Variants in ZNF606 observed in about 807,000 individuals in gnomAD.
ZNF606 encodes the protein zinc finger protein 328.
Under a neutral mutation model 74.9 loss-of-function variants are expected in ZNF606, and 37 were observed. That is an observed-to-expected ratio of 0.49 (90% CI 0.38 to 0.65). The LOEUF (loss-of-function observed/expected upper bound fraction) is 0.65. Among genes scored for constraint, ZNF606 ranks in the 30% least tolerant of loss-of-function variants. The pLI is 0.00. For missense variants in ZNF606, 852 were observed against 952.9 expected, an observed-to-expected ratio of 0.89 and a Z score of 1.39; for synonymous variants, 328 against 312.4, an observed-to-expected ratio of 1.05 and a Z score of -0.53.
Position 57,988,700 on chromosome 19 carries a change from C to A in ZNF606, c.199G>T (p.Val67Leu), listed in dbSNP as rs779552199. 5 of 1,614,010 alleles carry A rather than the reference C, an allele frequency of 3.1e-6. No homozygotes were observed. Among genetic ancestry groups the A allele is most frequent in the Admixed American group, 1.7e-5 (1 of 59,998 alleles). The change falls in exon 5 of 7, where the codon GTG (valine) becomes TTG (leucine). Residue 67 changes from valine (V) to leucine (L), a missense_variant. Val to Leu is a conservative substitution (Grantham distance 32). This residue lies in a region of ZNF606 where 545 missense variants were observed against 542.5 expected (regional missense o/e 1.00). Transcript: ENST00000551380. ...TCTTCTTGGGTGAAGTCCACGGCCACGTCCTTGAAGGTCACTGGTTCCTAA... is the reference window on the plus strand; with the variant it reads ...TCTTCTTGGGTGAAGTCCACGGCCAAGTCCTTGAAGGTCACTGGTTCCTAA... ...QVQEPVTFKD[V>L]AVDFTQEEWG...
At chr19:57,993,850 T>C (rs1381259820) in intron 4 of ZNF606, among the ~76,000 whole-genome samples, 1 of 152,172 alleles carries the variant, frequency 6.6e-6, no homozygotes, top group East Asian at 1.9e-4. Flanking sequence ...ACCCAGGGCA[T>C]GCCTCACCAG....
chr19:58,002,730 C>CT lies in ZNF606; in HGVS notation c.-387_-386insA, dbSNP rs1175490876. ...CCTCTCCCAGCCGGCTCTCCTGACC[C>CT]CCCAAGCCCCGCAGCTACGGCGGCC... On this transcript the variant is annotated 5_prime_UTR_variant, in exon 1 of 7. Coordinates refer to ENST00000551380, the MANE Select transcript of ZNF606 (RefSeq NM_001348022.3). The CT allele has an allele frequency of 2.2e-6, 1 of 454,124 alleles. No homozygotes were observed. Among genetic ancestry groups the CT allele is most frequent in the East Asian group, 7.1e-5 (1 of 14,114 alleles). The allele number at this position is 454,124 out of a possible 1,614,324, so 28.1% of individuals were successfully genotyped here.
At chr19:57,980,425 A>G in intron 6 of ZNF606, 146 bp from the exon 7 acceptor site, 1 of 764,910 alleles carries the variant, frequency 1.3e-6, no homozygotes, top group Non-Finnish European at 2.1e-6. Flanking sequence ...GAAAGATCAT[A>G]ATAGGGAAAA....
chr19:57,997,486 TCTCA>T (rs1260451123), intron 4 of ZNF606: 2 of 152,134 alleles, frequency 1.3e-5, no homozygotes, highest in Admixed American at 6.5e-5. Flanking sequence ...TTCCTGAAGA[TCTCA>T]CTTAGTTAAA....
Position 57,979,700 on chromosome 19 carries a change from T to C in ZNF606, c.980A>G (p.Asn327Ser), listed in dbSNP as rs1168867909. Residue 327 changes from asparagine to serine, a missense_variant, in exon 7 of 7, where the codon AAC becomes AGC. By Grantham distance (46) the Asn-to-Ser change is conservative. Coordinates refer to ENST00000551380, the MANE Select transcript of ZNF606 (RefSeq NM_001348022.3). ...GTGTTCATTAAATGATGGGCTCTGG[T>C]TAAAGATTTGATGGCATTCCTTATA... is the stretch of plus-strand genomic sequence containing the variant. ...YEYKECHQIF[N>S]QSPSFNEHPR... The C allele has an allele frequency of 6.2e-7, 1 of 1,613,546 alleles. No homozygotes were observed. Among genetic ancestry groups the C allele is most frequent in the African/African-American group, 1.3e-5 (1 of 74,922 alleles).
At position 58,002,590 on chromosome 19, in the gene ZNF606, A is replaced by G. The variant is rs1600232090; in HGVS notation, c.-246T>C. 4.5e-6 allele frequency: 2 copies of G among 442,648 alleles called. No homozygotes were observed. Among genetic ancestry groups the G allele is most frequent in the African/African-American group, 2.0e-5 (1 of 49,274 alleles). 27.4% of individuals were successfully genotyped at this position (442,648 alleles called of 1,614,324 possible). The stretch of plus-strand genomic sequence containing the variant: ...TCACCCAGGCCCGTCCGACCAGAAA[A>G]CGAAGAACGCCCGGAGGCGGGAGGC... On this transcript the variant is annotated 5_prime_UTR_variant, in exon 1 of 7. Transcript: ENST00000551380.
chr19:57,988,222 G>C lies in ZNF606; in HGVS notation c.385C>G (p.Gln129Glu). The C allele has an allele frequency of 6.2e-7, 1 of 1,613,948 alleles. No individual in the cohort carries two copies. Among genetic ancestry groups the C allele is most frequent in the Non-Finnish European group, 8.5e-7 (1 of 1,179,952 alleles). ...CTGCCCTCACCTGGACAAGTGCGTT[G>C]AGGACATGCCTGCTCCACTGACCAC... ...EPWSVEQACP[Q>E]RTCPEWVRNL... is the part of the protein sequence containing the mutation. The change falls in exon 6 of 7, where the codon CAA becomes GAA. Residue 129 changes from glutamine to glutamate, a missense_variant. Coordinates refer to ENST00000551380, the MANE Select transcript of ZNF606 (RefSeq NM_001348022.3).
intron 4 of ZNF606, among the ~76,000 whole-genome samples, chr19:57,994,819 T>C (rs547642402): frequency 5.3e-5 from 8 of 152,242 alleles, no homozygotes; most frequent in Admixed American, 3.3e-4. Context: ...GGGTATTTTC[T>C]CCCAGAGTGG....
chr19:57,990,049 C>CT (rs2073232302), intron 4 of ZNF606, among the ~76,000 whole-genome samples: 1 of 40,438 alleles, frequency 2.5e-5, no homozygotes. Flanking sequence ...GAGACTCCAT[C>CT]TCAAAAAAAA....
chr19:58,002,541 CG>C lies in ZNF606; in HGVS notation c.-198del, dbSNP rs1568587437. 2.4e-6 allele frequency: 1 copy of C among 425,524 alleles called. No individual in the cohort carries two copies. Among genetic ancestry groups the C allele is most frequent in the Admixed American group, 2.7e-5 (1 of 37,366 alleles). 26.4% of individuals were successfully genotyped at this position (425,524 alleles called of 1,614,324 possible). Reference sequence around the variant, plus strand: ...CGGCGCGGCCTCGGGGACAAAGGCCCGCGGAGCCGACGTGCAGCAGAGTTCA... The same window carrying C: ...CGGCGCGGCCTCGGGGACAAAGGCCCCGGAGCCGACGTGCAGCAGAGTTCA... On this transcript the variant is annotated 5_prime_UTR_variant, in exon 1 of 7. Coordinates refer to ENST00000551380, the MANE Select transcript of ZNF606 (RefSeq NM_001348022.3).
chr19:57,991,767 GAA>G (rs1258545106), intron 4 of ZNF606, among the ~76,000 whole-genome samples: 2 of 145,196 alleles, frequency 1.4e-5, no homozygotes, highest in East Asian at 3.9e-4. Flanking sequence ...GCGACAGAGT[GAA>G]ACTCTGTCTC....
Position 58,002,715 on chromosome 19 carries a change from C to G in ZNF606, c.-371G>C, listed in dbSNP as rs922964055. The G allele has an allele frequency of 2.2e-6, 1 of 448,464 alleles. No homozygotes were observed. The highest frequency in any genetic ancestry group is 2.1e-5 in the African/African-American group (1 of 47,234). The allele number at this position is 448,464 out of a possible 1,614,324, so 27.8% of individuals were successfully genotyped here. A position where few individuals can be genotyped will look rare whatever the true frequency, so the allele number is the denominator to read the frequency against. On this transcript the variant is annotated 5_prime_UTR_variant, in exon 1 of 7. Transcript: ENST00000551380. ...CCCACCCTGACGCCGCCTCTCCCAGCCGGCTCTCCTGACCCCCCAAGCCCC... is the reference window on the plus strand; with the variant it reads ...CCCACCCTGACGCCGCCTCTCCCAGGCGGCTCTCCTGACCCCCCAAGCCCC...
Position 57,978,559 on chromosome 19 carries a change from T to C in ZNF606, c.2121A>G (p.Pro707=), listed in dbSNP as rs766311936. The change falls in exon 7 of 7, where the codon CCA becomes CCG. Residue 707 remains proline (P), a synonymous_variant. Transcript: ENST00000551380. This position sits in a 1 kb window ranked among gnomAD's most constrained non-coding sequence, Gnocchi z 4.4. ...AHRRTHTGEK[P]YRCNECGKAF... ...CTTTCCCACATTCATTACACCTGTA[T>C]GGTTTCTCTCCAGTATGAGTTCTCC... 2.5e-6 allele frequency: 4 copies of C among 1,614,050 alleles called. No individual in the cohort carries two copies. Among genetic ancestry groups the C allele is most frequent in the African/African-American group, 2.7e-5 (2 of 74,932 alleles).
chr19:57,981,112 A>G (rs538213832), intron 6 of ZNF606, among the ~76,000 whole-genome samples: 1 of 152,308 alleles, frequency 6.6e-6, no homozygotes, highest in South Asian at 2.1e-4. Context: ...GCAGTGAGTC[A>G]CGCAGGCACT....
At chr19:57,992,156 G>A (rs538587387) in intron 4 of ZNF606, among the ~76,000 whole-genome samples, 4 of 152,304 alleles carry the variant, frequency 2.6e-5, no homozygotes, top group African/African-American at 9.6e-5. Flanking sequence ...CATTGGAGCA[G>A]TTCTGCAGTC....
Position 57,979,352 on chromosome 19 carries a change from A to C in ZNF606, c.1328T>G (p.Leu443Arg), listed in dbSNP as rs1343646734. The C allele has an allele frequency of 3.1e-6, 5 of 1,613,014 alleles. No individual in the cohort carries two copies. In the Admixed American group the frequency reaches 5.0e-5, roughly 16 times the overall value. The change falls in exon 7 of 7, where the codon CTT becomes CGT. Residue 443 changes from leucine (L) to arginine (R), a missense_variant. Transcript: ENST00000551380. ...AGTGTGAGTCCGTTCATGTTTCGTA[A>C]GGGCTGAGCGATTCCTAAAAACTTT... ...CGKVFRNRSALTKHERTHTGI... is the reference protein window; with the variant it reads ...CGKVFRNRSARTKHERTHTGI...
At chr19:57,989,147 T>C (rs2073212383) in intron 4 of ZNF606, among the ~76,000 whole-genome samples, 1 of 152,110 alleles carries the variant, frequency 6.6e-6, no homozygotes, top group African/African-American at 2.4e-5. Flanking sequence ...ATAAAGGACC[T>C]GAAAGGGTGA....
upstream of ZNF606, chr19:58,002,871 C>A (rs754539786): frequency 2.3e-6 from 1 of 432,880 alleles, no homozygotes; most frequent in South Asian, 1.6e-5. Flanking sequence ...CGGGCACTTC[C>A]GGCGTCGGGC....
intron 6 of ZNF606, 63 bp downstream of exon 6, chr19:57,988,144 C>T: frequency 1.5e-6 from 2 of 1,378,006 alleles, no homozygotes; most frequent in African/African-American, 1.4e-5. Context: ...ATGGCCTTAT[C>T]CCATTTCTCA....
Sources: allele counts gnomAD v4.1 joint callset (sites outside exome capture counted in the v4.1 genomes callset), GRCh38; gene constraint gnomAD v4.1.1; regional missense constraint gnomAD v4.1.1; non-coding constraint Gnocchi (gnomAD v3.1); transcripts MANE v1.5; gene names NCBI Gene and HGNC (gene_info 2026-07-23, HGNC 2026-07-21).